PLS1: variants seen among roughly 807,000 people sequenced by gnomAD.
PLS1 encodes plastin-1.
PLS1 carries 32 observed loss-of-function variants against 73.7 expected under a neutral mutation model. The observed-to-expected ratio is 0.43, with a 90% CI of 0.33 to 0.58. The LOEUF (loss-of-function observed/expected upper bound fraction) is 0.58, where lower values mean the gene tolerates loss of function less well. Ranked by LOEUF, PLS1 falls within the 20% of genes least tolerant of loss-of-function variation. The pLI is 0.04. For missense variants in PLS1, 633 were observed against 740.5 expected (o/e 0.85, Z 1.68); for synonymous variants, 217 against 261.3 (o/e 0.83, Z 1.63).
At chr3:142,618,821 C>G (rs2036262716) in intron 1 of PLS1, among the ~76,000 whole-genome samples, 1 of 152,140 alleles carries the variant, frequency 6.6e-6, no homozygotes, top group Non-Finnish European at 1.5e-5. Flanking sequence ...ATTGGTCCTG[C>G]CCAAATAACC....
intron 1 of PLS1, among the ~76,000 whole-genome samples, chr3:142,619,013 G>A (rs928620856): frequency 2.0e-5 from 3 of 152,200 alleles, no homozygotes; most frequent in Admixed American, 6.5e-5. Flanking sequence ...TGACAAATAA[G>A]ATAGCGGTGG....
chr3:142,638,972 C>G (rs1329262233), intron 1 of PLS1, among the ~76,000 whole-genome samples: 1 of 152,102 alleles, frequency 6.6e-6, no homozygotes, highest in African/African-American at 2.4e-5. Context: ...AACTCCCGAC[C>G]TCAGGTGATC....
At chr3:142,687,661 A>G (rs952390462) in intron 9 of PLS1, among the ~76,000 whole-genome samples, 5 of 152,188 alleles carry the variant, frequency 3.3e-5, no homozygotes, top group Admixed American at 1.3e-4. Context: ...TTCATGGTCA[A>G]TCTTATCTCG....
At chr3:142,635,474 G>A (rs935561486) in intron 1 of PLS1, among the ~76,000 whole-genome samples, 4 of 151,464 alleles carry the variant, frequency 2.6e-5, no homozygotes, top group Non-Finnish European at 5.9e-5. Context: ...ATGGTGACGC[G>A]AGTCTGCAGT....
intron 1 of PLS1, among the ~76,000 whole-genome samples, chr3:142,631,340 C>T (rs1222315011): frequency 6.6e-6 from 1 of 151,918 alleles, no homozygotes; most frequent in Admixed American, 6.6e-5. Flanking sequence ...ATGGTGAAAC[C>T]CCGTTTCTAC....
chr3:142,698,046 C>T lies in PLS1; in HGVS notation c.1350C>T (p.Ala450=), dbSNP rs776007153. The change falls in exon 12 of 16, where the codon GCC becomes GCT. Residue 450 remains alanine (A), a synonymous_variant. Transcript: ENST00000457734. ...WSHVNKPPYP[A]LGGNMKKIEN... ...ATGTCAACAAACCTCCTTATCCTGC[C>T]CTTGGAGGGAACATGAAGAAGGTGA... 1.9e-5 allele frequency: 31 copies of T among 1,594,018 alleles called. No homozygotes were observed. The East Asian group carries it at 6.9e-4, about 36-fold the overall frequency.
chr3:142,693,498 G>A (rs142889839), intron 10 of PLS1, among the ~76,000 whole-genome samples: 208 of 152,282 alleles, frequency 1.4e-3, no homozygotes, highest in African/African-American at 4.9e-3. Context: ...AGTGATGACA[G>A]GTGTAAATGT....
chr3:142,639,125 AC>A (rs2036775001), intron 1 of PLS1, among the ~76,000 whole-genome samples: 1 of 152,088 alleles, frequency 6.6e-6, no homozygotes, highest in East Asian at 1.9e-4. Context: ...TACAAGTAAA[AC>A]TCAGTCATTT....
At chr3:142,685,244 C>G (rs145233903) in intron 8 of PLS1, among the ~76,000 whole-genome samples, 5 of 152,274 alleles carry the variant, frequency 3.3e-5, no homozygotes, top group East Asian at 1.9e-4. Context: ...TTCAGCTAAT[C>G]AAACATTTAT....
intron 1 of PLS1, among the ~76,000 whole-genome samples, chr3:142,645,956 G>T (rs1261351399): frequency 6.6e-6 from 1 of 152,076 alleles, no homozygotes; most frequent in African/African-American, 2.4e-5. Context: ...AGGTCTTAGG[G>T]GGTACAACAT....
At chr3:142,698,241 A>G (rs1032006762) in intron 12 of PLS1, 174 bp downstream of exon 12, 1 of 523,464 alleles carries the variant, frequency 1.9e-6, no homozygotes, top group Non-Finnish European at 3.4e-6. Flanking sequence ...GATGAAGGCA[A>G]TCCCTCTAGT....
chr3:142,624,083 G>C (rs1421942730), intron 1 of PLS1, among the ~76,000 whole-genome samples: 1 of 152,122 alleles, frequency 6.6e-6, no homozygotes, highest in Non-Finnish European at 1.5e-5. Context: ...AAATTTCACA[G>C]ATAAGACATA....
intron 1 of PLS1, among the ~76,000 whole-genome samples, chr3:142,639,860 C>T (rs1021705089): frequency 3.3e-5 from 5 of 152,262 alleles, no homozygotes; most frequent in East Asian, 3.9e-4. Context: ...TCTATATCCC[C>T]TATGATGTTT....
rs142073237 is a variant in PLS1 at position 142,673,141 on chromosome 3, A to G, written c.364+2019A>G. ...ACTGCAGCCTCGACCTCCAGAGTTC[A>G]AGGGATCCTCCCACCTCAGCCTCCC... On this transcript the variant is annotated intron_variant, in intron 4 of 15. Coordinates refer to ENST00000457734, the MANE Select transcript of PLS1 (RefSeq NM_001145319.2). 3.3e-5 allele frequency among the ~76,000 whole-genome samples: 5 copies of G among 152,272 alleles called. No individual in the cohort carries two copies. The East Asian group carries it at 7.7e-4, about 24-fold the overall frequency.
intron 1 of PLS1, among the ~76,000 whole-genome samples, chr3:142,646,705 C>T (rs941998708): frequency 2.0e-5 from 3 of 152,214 alleles, no homozygotes; most frequent in South Asian, 2.1e-4. Flanking sequence ...AGCTGTCTGG[C>T]GCCTGTTCTT....
At chr3:142,656,239 G>A (rs1192659289) in intron 1 of PLS1, among the ~76,000 whole-genome samples, 2 of 152,198 alleles carry the variant, frequency 1.3e-5, no homozygotes, top group East Asian at 1.9e-4. Context: ...TGGGATTACA[G>A]GCATGAGCCA....
At chr3:142,605,555 G>C (rs375620959) in intron 1 of PLS1, among the ~76,000 whole-genome samples, 4 of 152,274 alleles carry the variant, frequency 2.6e-5, no homozygotes, top group East Asian at 1.9e-4. Flanking sequence ...ATTTCTAGTA[G>C]AGACATGGTT....
chr3:142,705,210 T>A (rs1002117886), intron 14 of PLS1, among the ~76,000 whole-genome samples: 1 of 152,102 alleles, frequency 6.6e-6, no homozygotes, highest in African/African-American at 2.4e-5. Flanking sequence ...AGTTATCAAA[T>A]GAAAAAGATA....
At chr3:142,676,052 C>A in intron 4 of PLS1, 105 bp from the exon 5 acceptor site, 1 of 839,278 alleles carries the variant, frequency 1.2e-6, no homozygotes, top group Non-Finnish European at 1.9e-6. Context: ...TATCTTTGAG[C>A]AGAAATTAAC....
Sources: allele counts gnomAD v4.1 joint callset (sites outside exome capture counted in the v4.1 genomes callset), GRCh38; gene constraint gnomAD v4.1.1; transcripts MANE v1.5; gene names NCBI Gene and HGNC (gene_info 2026-07-23, HGNC 2026-07-21).